NOTUM: variants seen among roughly 807,000 people sequenced by gnomAD.
The protein encoded by NOTUM is palmitoleoyl-protein carboxylesterase NOTUM.
A neutral mutation model predicts 65.5 loss-of-function variants in NOTUM; 36 were observed. The ratio of observed to expected loss-of-function variants is 0.55; its 90% CI spans 0.42 to 0.73. NOTUM has a LOEUF of 0.73. Ranked by LOEUF, NOTUM falls within the 30% of genes least tolerant of loss-of-function variation. NOTUM has a pLI of 0.00. For synonymous variants in NOTUM, 356 were observed against 297.9 expected, an observed-to-expected ratio of 1.20 and a Z score of -2.01; for missense variants, 659 against 694.2, an observed-to-expected ratio of 0.95 and a Z score of 0.57.
In NOTUM at chr17:81,960,004, G is replaced by C. The variant is rs1045964075; in HGVS notation, c.324-312C>G. 6.6e-6 allele frequency among the ~76,000 whole-genome samples: 1 copy of C among 151,876 alleles called. No homozygotes were observed. The highest frequency in any genetic ancestry group is 1.5e-5 in the Non-Finnish European group (1 of 67,940). ...CGGGGCGCGCGGCGGCGCTTGAAGC[G>C]TGAAACGCGTCCGCACTGAAGGAGC... On this transcript the variant is annotated intron_variant, in intron 1 of 10. Transcript: ENST00000409678. This position sits in a 1 kb window ranked among gnomAD's most constrained non-coding sequence, Gnocchi z 6.4.
In NOTUM at chr17:81,961,033, C is replaced by T. The variant is rs1174425293; in HGVS notation, c.-124G>A. 6.0e-6 allele frequency: 2 copies of T among 331,054 alleles called. No individual in the cohort carries two copies. Among genetic ancestry groups the T allele is most frequent in the African/African-American group, 2.2e-5 (1 of 44,866 alleles). 20.5% of individuals were successfully genotyped at this position (331,054 alleles called of 1,614,324 possible). On this transcript the variant is annotated 5_prime_UTR_variant, in exon 1 of 11. Coordinates refer to ENST00000409678, the MANE Select transcript of NOTUM (RefSeq NM_178493.6). ...CTGGCCGCTCCTGCTCCCTCGCCCC[C>T]GCTCCCGCCCGCCGGGCCTGGCGGA...
At chr17:81,955,253 T>G in intron 9 of NOTUM, 144 bp downstream of exon 9, 1 of 712,380 alleles carries the variant, frequency 1.4e-6, no homozygotes, top group Non-Finnish European at 2.3e-6. Flanking sequence ...AGTGCTGGGA[T>G]TATAGGTGTG....
chr17:81,959,677 C>T lies in NOTUM; in HGVS notation c.339G>A (p.Glu113=), dbSNP rs2041459341. Residue 113 remains glutamate (E), a synonymous_variant, in exon 2 of 11, where the codon GAG becomes GAA. Coordinates refer to ENST00000409678, the MANE Select transcript of NOTUM (RefSeq NM_178493.6). ...DGSPAGYYLK[E]SRGSRRWLLF... Reference sequence around the variant, plus strand: ...GGAGCCACCGCCGGCTGCCCCTGGACTCCTTCAGGTAGTAGCTGCGGGGGA... The same window carrying T: ...GGAGCCACCGCCGGCTGCCCCTGGATTCCTTCAGGTAGTAGCTGCGGGGGA... 4 of 1,541,566 alleles carry T rather than the reference C, an allele frequency of 2.6e-6. No individual in the cohort carries two copies. The highest frequency in any genetic ancestry group is 2.0e-5 in the Admixed American group (1 of 50,700).
chr17:81,960,460 A>C lies in NOTUM; in HGVS notation c.323+127T>G. On this transcript the variant is annotated intron_variant, in intron 1 of 10. Coordinates refer to ENST00000409678, the MANE Select transcript of NOTUM (RefSeq NM_178493.6). The surrounding 1 kb of genome is among the most constrained non-coding windows in gnomAD (Gnocchi z 6.4). ...ACCGAACCGGGCACTCCTCGGGGCCAGGACCGCGGGGCGCCCGACGGAAGC... is the reference window on the plus strand; with the variant it reads ...ACCGAACCGGGCACTCCTCGGGGCCCGGACCGCGGGGCGCCCGACGGAAGC... The C allele has an allele frequency of 3.1e-6, 2 of 647,036 alleles. No homozygotes were observed. Among genetic ancestry groups the C allele is most frequent in the Non-Finnish European group, 5.0e-6 (2 of 403,870 alleles). The allele number at this position is 647,036 out of a possible 1,614,324, so 40.1% of individuals were successfully genotyped here. A position where few individuals can be genotyped will look rare whatever the true frequency, so the allele number is the denominator to read the frequency against.
chr17:81,952,948 CCAGA>C lies in NOTUM; in HGVS notation c.*9_*12del, dbSNP rs538709688. The C allele has an allele frequency of 1.8e-4, 290 of 1,612,366 alleles. 2 individuals carry two copies. In the East Asian group the frequency reaches 2.0e-3, roughly 11 times the overall value. On this transcript the variant is annotated 3_prime_UTR_variant, in exon 11 of 11. Coordinates refer to ENST00000409678, the MANE Select transcript of NOTUM (RefSeq NM_178493.6). ...GGGCCCCTCAGTGCCGGCTCCTCCTCCAGACAGTCTGCCTAGCTTCCGTTGCTCA... is the reference window on the plus strand; with the variant it reads ...GGGCCCCTCAGTGCCGGCTCCTCCTCCAGTCTGCCTAGCTTCCGTTGCTCA...
Position 81,953,282 on chromosome 17 carries a change from C to A in NOTUM, c.1185-15G>T, listed in dbSNP as rs931454908. ...CCGTCCAGTGGCTGCAGAGGAAAAC[C>A]GGGGGAGGGGGTCACATGTGCGGAG... On this transcript the variant is annotated splice_polypyrimidine_tract_variant and intron_variant, in intron 10 of 10. Transcript: ENST00000409678. The A allele has an allele frequency of 2.6e-6, 4 of 1,546,186 alleles. No homozygotes were observed. In the East Asian group the frequency reaches 6.8e-5, roughly 26 times the overall value.
intron 8 of NOTUM, among the ~76,000 whole-genome samples, chr17:81,956,081 C>T (rs1234283263): frequency 6.6e-6 from 1 of 152,208 alleles, no homozygotes; most frequent in Non-Finnish European, 1.5e-5. Flanking sequence ...TTATAATCCA[C>T]AGCTTCATAA....
rs983328888 is a variant in NOTUM, at chr17:81,957,811, C to G, written c.690G>C (p.Gly230=). 6.2e-7 allele frequency: 1 copy of G among 1,600,938 alleles called. No individual in the cohort carries two copies. The highest frequency in any genetic ancestry group is 8.5e-7 in the Non-Finnish European group (1 of 1,174,240). The stretch of plus-strand genomic sequence containing the variant: ...CCCTGCCCCGCCCTGCCCACCTGCT[C>G]CCGGCCAGCAGCAGCACCTTGGCCC... ...LSGAKVLLLA[G]SSAGGTGVLL... is the part of the protein sequence containing the mutation. The change falls in exon 6 of 11, where the codon GGG becomes GGC. Residue 230 remains glycine, a synonymous_variant. Transcript: ENST00000409678.
intron 10 of NOTUM, 26 bp from the exon 11 acceptor site, chr17:81,953,293 G>A (rs1263047438): frequency 6.5e-7 from 1 of 1,548,766 alleles, no homozygotes; most frequent in Non-Finnish European, 8.8e-7. Flanking sequence ...GGGGGAGGGG[G>A]TCACATGTGC....
intron 4 of NOTUM, 82 bp downstream of exon 4, chr17:81,958,853 A>G: frequency 2.8e-6 from 3 of 1,061,050 alleles, no homozygotes; most frequent in Non-Finnish European, 4.4e-6. Flanking sequence ...ACCATTTCAG[A>G]ATATGACTTC....
Position 81,960,934 on chromosome 17 carries a change from G to T in NOTUM, c.-25C>A. 8.2e-7 allele frequency: 1 copy of T among 1,212,738 alleles called. No homozygotes were observed. The highest frequency in any genetic ancestry group is 4.0e-5 in the South Asian group (1 of 25,132). The allele number at this position is 1,212,738 out of a possible 1,614,324, so 75.1% of individuals were successfully genotyped here. A position where few individuals can be genotyped will look rare whatever the true frequency, so the allele number is the denominator to read the frequency against. ...TGGCCGCGTCCACCTGCGGGGAGCG[G>T]GCGGCCTTGAGGCGGCGGCGGCGGC... On this transcript the variant is annotated 5_prime_UTR_variant, in exon 1 of 11. Transcript: ENST00000409678. The surrounding 1 kb of genome is among the most constrained non-coding windows in gnomAD (Gnocchi z 6.4).
Position 81,958,830 on chromosome 17 carries a change from A to G in NOTUM, c.533+105T>C, listed in dbSNP as rs1431936840. ...CCCCAAAAGAACCATCCAGAACAGGACCCCCAGGAAAGACCATTTCAGAAT... is the reference window on the plus strand; with the variant it reads ...CCCCAAAAGAACCATCCAGAACAGGGCCCCCAGGAAAGACCATTTCAGAAT... On this transcript the variant is annotated intron_variant, in intron 4 of 10. Transcript: ENST00000409678. 8 of 839,382 alleles carry G rather than the reference A, an allele frequency of 9.5e-6. No individual in the cohort carries two copies. In the African/African-American group the frequency reaches 1.3e-4, roughly 14 times the overall value. 52.0% of individuals were successfully genotyped at this position (839,382 alleles called of 1,614,324 possible).
chr17:81,960,706 C>A lies in NOTUM; in HGVS notation c.204G>T (p.Ala68=), dbSNP rs1179263852. Residue 68 remains alanine, a synonymous_variant, in exon 1 of 11, where the codon GCG becomes GCT. Transcript: ENST00000409678. This position sits in a 1 kb window ranked among gnomAD's most constrained non-coding sequence, Gnocchi z 6.4. ...GGGACTGCGCCAGGCTCTTGACTTG[C>A]GCCATGAAGCTGTCCATGTTACCCT... The part of the protein sequence containing the change: ...AVEGNMDSFM[A]QVKSLAQSLY... 4 of 1,603,574 alleles carry A rather than the reference C, an allele frequency of 2.5e-6. No homozygotes were observed. Among genetic ancestry groups the A allele is most frequent in the Non-Finnish European group, 3.4e-6 (4 of 1,175,798 alleles).
chr17:81,956,773 G>A, intron 7 of NOTUM, 23 bp from the exon 8 acceptor site: 5 of 1,604,974 alleles, frequency 3.1e-6, no homozygotes, highest in Non-Finnish European at 4.3e-6. Context: ...CCACAGGTTA[G>A]GCTGCCGTGG....
At position 81,952,844 on chromosome 17, in the gene NOTUM, G is replaced by T. The variant is rs1434714217; in HGVS notation, c.*117C>A. 1 of 894,484 alleles carries T rather than the reference G, an allele frequency of 1.1e-6. No individual in the cohort carries two copies. Among genetic ancestry groups the T allele is most frequent in the Non-Finnish European group, 1.7e-6 (1 of 572,578 alleles). 55.4% of individuals were successfully genotyped at this position (894,484 alleles called of 1,614,324 possible). A position where few individuals can be genotyped will look rare whatever the true frequency, so the allele number is the denominator to read the frequency against. The stretch of plus-strand genomic sequence containing the variant: ...GGCAGTGGGCAGACCCAGACAGGGG[G>T]GACGGCTGGGGCCCTGTCCCGAAGA... On this transcript the variant is annotated 3_prime_UTR_variant, in exon 11 of 11. Coordinates refer to ENST00000409678, the MANE Select transcript of NOTUM (RefSeq NM_178493.6).
At chr17:81,957,971 A>C (rs1348496392) in intron 5 of NOTUM, 63 bp from the exon 6 acceptor site, 1 of 1,228,010 alleles carries the variant, frequency 8.1e-7, no homozygotes, top group African/African-American at 1.5e-5. Flanking sequence ...CTCCTACCCC[A>C]GAATGGCTGG....
chr17:81,958,837 G>A (rs561478825), intron 4 of NOTUM, 98 bp downstream of exon 4: 9 of 923,466 alleles, frequency 9.7e-6, no homozygotes, highest in Admixed American at 1.9e-5. Context: ...AGGACCCCCA[G>A]GAAAGACCAT....
chr17:81,953,823 C>T (rs2041407178), intron 10 of NOTUM, among the ~76,000 whole-genome samples: 1 of 150,824 alleles, frequency 6.6e-6, no homozygotes, highest in South Asian at 2.1e-4. Flanking sequence ...CTTGTTGCCC[C>T]CAGGATGGAG....
chr17:81,959,379 CG>C, intron 3 of NOTUM, 91 bp downstream of exon 3: 4 of 976,580 alleles, frequency 4.1e-6, no homozygotes, highest in Non-Finnish European at 6.1e-6. Flanking sequence ...GCATGATGTG[CG>C]GGGTGGGGGC....
Sources: allele counts gnomAD v4.1 joint callset (sites outside exome capture counted in the v4.1 genomes callset), GRCh38; gene constraint gnomAD v4.1.1; non-coding constraint Gnocchi (gnomAD v3.1); transcripts MANE v1.5; gene names NCBI Gene and HGNC (gene_info 2026-07-23, HGNC 2026-07-21).